The following CYP3A4 variants were observed in gnomAD, a reference collection of about 807,000 sequenced individuals.
CYP3A4 encodes cytochrome P450 family 3 subfamily A member 4.
In CYP3A4, 41 loss-of-function variants were observed where a neutral mutation model predicts 54.9. The observed-to-expected ratio is 0.75, with a 90% CI of 0.58 to 0.97. The LOEUF (loss-of-function observed/expected upper bound fraction) is 0.97. CYP3A4 is among the 50% of genes least tolerant of loss of function. The pLI is 0.00. For synonymous variants in CYP3A4, 179 were observed against 205.2 expected, an observed-to-expected ratio of 0.87 and a Z score of 1.09; for missense variants, 510 against 597.3, an observed-to-expected ratio of 0.85 and a Z score of 1.52.
intron 5 of CYP3A4, 116 bp downstream of exon 5, chr7:99,770,006 A>C: frequency 6.5e-7 from 1 of 1,529,286 alleles, no homozygotes; most frequent in South Asian, 1.1e-5. Flanking sequence ...GACCATTTTT[A>C]GGCAGCTCAA....
intron 2 of CYP3A4, among the ~76,000 whole-genome samples, chr7:99,779,167 T>C (rs547267439): frequency 9.0e-4 from 137 of 152,306 alleles, no homozygotes; most frequent in African/African-American, 2.8e-3. Flanking sequence ...AAATTAAATA[T>C]TTAATAATTT....
intron 8 of CYP3A4, chr7:99,766,781 G>T: frequency 2.7e-6 from 1 of 374,696 alleles, no homozygotes; most frequent in Non-Finnish European, 4.8e-6. Flanking sequence ...TCTGGGGAAA[G>T]CATAATATCA....
rs566893086 is a variant in CYP3A4, at chr7:99,779,916, G to A, written c.165+76C>T. 28 of 1,378,538 alleles carry A rather than the reference G, an allele frequency of 2.0e-5. No homozygotes were observed. In the African/African-American group the frequency reaches 3.9e-4, roughly 19 times the overall value. 85.4% of individuals were successfully genotyped at this position (1,378,538 alleles called of 1,614,324 possible). A position where few individuals can be genotyped will look rare whatever the true frequency, so the allele number is the denominator to read the frequency against. ...AAACTTCAGACCTTCCCCCTGAGGA[G>A]AAGCATTTTTACTGATGGAACTAAG... On this transcript the variant is annotated intron_variant, in intron 2 of 12. Coordinates refer to ENST00000651514, the MANE Select transcript of CYP3A4 (RefSeq NM_017460.6).
rs1815204835 is a variant in CYP3A4, at chr7:99,757,467, A to G, written c.*666T>C. 1 of 152,530 alleles carries G rather than the reference A, an allele frequency of 6.6e-6. No homozygotes were observed. Among genetic ancestry groups the G allele is most frequent in the South Asian group, 2.1e-4 (1 of 4,828 alleles). 9.4% of individuals were successfully genotyped at this position (152,530 alleles called of 1,614,324 possible). ...TTACAGGCGTGAGCCACTGTGCCTG[A>G]TCAAAAAAGGCATAATTAAACTATG... On this transcript the variant is annotated 3_prime_UTR_variant, in exon 13 of 13. Coordinates refer to ENST00000651514, the MANE Select transcript of CYP3A4 (RefSeq NM_017460.6).
chr7:99,759,304 C>T (rs571635876), intron 12 of CYP3A4, among the ~76,000 whole-genome samples: 1 of 152,238 alleles, frequency 6.6e-6, no homozygotes, highest in Non-Finnish European at 1.5e-5. Context: ...GACGTCTGTT[C>T]TTTAACTTCT....
chr7:99,772,483 G>C (rs1006732736), intron 4 of CYP3A4, 107 bp downstream of exon 4: 8 of 1,423,994 alleles, frequency 5.6e-6, no homozygotes, highest in Admixed American at 1.8e-5. Context: ...TGAAGTGGAC[G>C]TGGAACCTTC....
Position 99,778,885 on chromosome 7 carries a change from G to T in CYP3A4, c.166-805C>A, listed in dbSNP as rs576981923. Among the ~76,000 whole-genome samples, 17 of 152,290 alleles carry T rather than the reference G, an allele frequency of 1.1e-4. No individual in the cohort carries two copies. In the South Asian group the frequency reaches 2.3e-3, roughly 20 times the overall value. ...TGGAAAAGGTGGCGGGGAAATTATT[G>T]CTTTTGCACAGGGAAAAAATATGAA... On this transcript the variant is annotated intron_variant, in intron 2 of 12. Transcript: ENST00000651514.
intron 9 of CYP3A4, among the ~76,000 whole-genome samples, chr7:99,766,099 G>C (rs930897433): frequency 1.3e-5 from 2 of 152,138 alleles, no homozygotes; most frequent in African/African-American, 4.8e-5. Flanking sequence ...AGGAGGCTGA[G>C]AATTGGCATT....
chr7:99,765,994 AT>A lies in CYP3A4; in HGVS notation c.865+382del, dbSNP rs1193476555. On this transcript the variant is annotated intron_variant, in intron 9 of 12. Transcript: ENST00000651514. ...GGTTTTTGCCATTACTTTTAATTGC[AT>A]TTTTTTGCAATTAAAAGTAATGGAA... Among the ~76,000 whole-genome samples the A allele has an allele frequency of 3.9e-5, 6 of 152,044 alleles. No individual in the cohort carries two copies. In the East Asian group the frequency reaches 5.8e-4, roughly 15 times the overall value.
In CYP3A4 at chr7:99,758,057, C is replaced by G; in HGVS notation, c.*76G>C. The G allele has an allele frequency of 8.3e-7, 1 of 1,210,676 alleles. No homozygotes were observed. The highest frequency in any genetic ancestry group is 1.7e-5 in the Admixed American group (1 of 58,562). 75.0% of individuals were successfully genotyped at this position (1,210,676 alleles called of 1,614,324 possible). On this transcript the variant is annotated 3_prime_UTR_variant, in exon 13 of 13. Transcript: ENST00000651514. ...CCCATCTTCATTTCAGAGTTCTATT[C>G]ACAAAGTAATTTGAGGTCTCTGGTG... is the stretch of plus-strand genomic sequence containing the variant.
In CYP3A4 at chr7:99,767,276, C is replaced by T. The variant is rs746336046; in HGVS notation, c.671-18G>A. On this transcript the variant is annotated intron_variant, in intron 7 of 12. Coordinates refer to ENST00000651514, the MANE Select transcript of CYP3A4 (RefSeq NM_017460.6). ...AAAGACTGCTGTAGGAAAAACAAAA[C>T]AAAAACAGAAAAAGAAATTCATTGT... 7.1e-6 allele frequency: 11 copies of T among 1,555,534 alleles called. No homozygotes were observed. The highest frequency in any genetic ancestry group is 9.5e-6 in the Non-Finnish European group (11 of 1,158,752).
At chr7:99,758,601 G>A (rs879802275) in intron 12 of CYP3A4, among the ~76,000 whole-genome samples, 3 of 152,162 alleles carry the variant, frequency 2.0e-5, no homozygotes, top group African/African-American at 4.8e-5. Context: ...TAAAATGGAT[G>A]AGTTTTTAAA....
chr7:99,776,048 C>A (rs886300094), intron 3 of CYP3A4, among the ~76,000 whole-genome samples: 1 of 152,188 alleles, frequency 6.6e-6, no homozygotes, highest in Non-Finnish European at 1.5e-5. Context: ...TGAACAGACA[C>A]TTCTCAAAAG....
chr7:99,778,026 AC>A lies in CYP3A4; in HGVS notation c.218+1del. ...TCCAATGGAAGTTTCCAGAATACTC[AC>A]CCCCACACTTTTCCATACTTTTTAT... On this transcript the variant is annotated splice_donor_variant, in intron 3 of 12. Coordinates refer to ENST00000651514, the MANE Select transcript of CYP3A4 (RefSeq NM_017460.6). LOFTEE classifies it high-confidence loss of function. The A allele has an allele frequency of 1.2e-6, 2 of 1,611,908 alleles. No homozygotes were observed. The highest frequency in any genetic ancestry group is 1.7e-6 in the Non-Finnish European group (2 of 1,178,320).
At chr7:99,758,914 C>T (rs1477950951) in intron 12 of CYP3A4, among the ~76,000 whole-genome samples, 1 of 151,818 alleles carries the variant, frequency 6.6e-6, no homozygotes, top group East Asian at 1.9e-4. Flanking sequence ...AACTTTTAGC[C>T]CCATTCTTAT....
chr7:99,774,868 A>T (rs1404997945), intron 3 of CYP3A4, among the ~76,000 whole-genome samples: 1 of 151,400 alleles, frequency 6.6e-6, no homozygotes, highest in Admixed American at 6.6e-5. Flanking sequence ...AAAGAAATGG[A>T]TATTCAATTA....
At chr7:99,768,089 C>A (rs1400130615) in intron 7 of CYP3A4, among the ~76,000 whole-genome samples, 2 of 152,114 alleles carry the variant, frequency 1.3e-5, no homozygotes, top group Non-Finnish European at 2.9e-5. Flanking sequence ...ATAGGCAAAT[C>A]CATAGAAGCA....
At chr7:99,760,705 G>A in intron 12 of CYP3A4, 114 bp downstream of exon 12, 1 of 1,367,940 alleles carries the variant, frequency 7.3e-7, no homozygotes, top group Non-Finnish European at 1.0e-6. Context: ...TGATTCTTTG[G>A]CCCAGAGAAC....
rs764639770 is a variant in CYP3A4, at chr7:99,760,949, G to C, written c.1286C>G (p.Pro429Arg). The C allele has an allele frequency of 6.2e-7, 1 of 1,613,774 alleles. No individual in the cohort carries two copies. Among genetic ancestry groups the C allele is most frequent in the East Asian group, 2.2e-5 (1 of 44,872 alleles). The change falls in exon 12 of 13, where the codon CCT becomes CGT. Residue 429 changes from proline (P) to arginine (R), a missense_variant. Around this residue, in one of 2 missense-constraint regions of CYP3A4, gnomAD observed 238 missense variants for 322.5 expected, o/e 0.74. Transcript: ENST00000651514. ...FSKKNKDNID[P>R]YIYTPFGSGP... Reference sequence around the variant, plus strand: ...ACTTCCAAAGGGTGTGTATATGTAAGGATCTATGTTGTCCTTGTTCTTCTT... The same window carrying C: ...ACTTCCAAAGGGTGTGTATATGTAACGATCTATGTTGTCCTTGTTCTTCTT...
Sources: allele counts gnomAD v4.1 joint callset (sites outside exome capture counted in the v4.1 genomes callset), GRCh38; gene constraint gnomAD v4.1.1; regional missense constraint gnomAD v4.1.1; transcripts MANE v1.5; gene names NCBI Gene and HGNC (gene_info 2026-07-23, HGNC 2026-07-21).